Variants in POTEH observed in about 807,000 individuals in gnomAD.
POTEH encodes the protein POTE ankyrin domain family member H, also known as ANKRD26-like family C member 3.
POTEH carries 6 observed loss-of-function variants against 41.7 expected under a neutral mutation model. The ratio of observed to expected loss-of-function variants is 0.14; its 90% CI spans 0.08 to 0.28. POTEH has a LOEUF of 0.28. Ranked by LOEUF, POTEH falls within the 10% of genes least tolerant of loss-of-function variation. The probability of loss-of-function intolerance (pLI) is 1.00; values close to 1 mark genes in which losing one functional copy is unlikely to be tolerated. For missense variants in POTEH, 115 were observed against 533.5 expected, an observed-to-expected ratio of 0.22 and a Z score of 7.73; for synonymous variants, 38 against 179.9, an observed-to-expected ratio of 0.21 and a Z score of 6.31.
chr22:15,713,408 A>G (rs1398039151), intron 9 of POTEH, among the ~76,000 whole-genome samples: 46 of 152,328 alleles, frequency 3.0e-4, no homozygotes, highest in African/African-American at 1.1e-3. Context: ...TTTCTAGTCC[A>G]TTCATCACGG....
Position 15,696,858 on chromosome 22 carries a change from G to C in POTEH, c.921+1040G>C, listed in dbSNP as rs1173427778. ...AATCTTCAAATAAGAAAGGGAATTG[G>C]TTATCTGGGTGGTGAGAAATGAGAC... On this transcript the variant is annotated intron_variant, in intron 3 of 10. Coordinates refer to ENST00000343518, the MANE Select transcript of POTEH (RefSeq NM_001136213.1). Among the ~76,000 whole-genome samples the C allele has an allele frequency of 2.8e-5, 4 of 144,814 alleles. 1 individual carries two copies. Among genetic ancestry groups the C allele is most frequent in the South Asian group, 2.5e-4 (1 of 3,956 alleles).
intron 1 of POTEH, 72 bp downstream of exon 1, chr22:15,690,781 G>T (rs1989287069): frequency 7.2e-7 from 1 of 1,388,862 alleles, no homozygotes; most frequent in East Asian, 2.3e-5. Context: ...GGCCGGGGAG[G>T]AGGGGAGCCT....
chr22:15,690,613 A>G lies in POTEH; in HGVS notation c.536A>G (p.Lys179Arg), dbSNP rs757577993. The G allele has an allele frequency of 7.0e-7, 1 of 1,424,528 alleles. No homozygotes were observed. Among genetic ancestry groups the G allele is most frequent in the Non-Finnish European group, 9.7e-7 (1 of 1,026,946 alleles). The allele number at this position is 1,424,528 out of a possible 1,614,324, so 88.2% of individuals were successfully genotyped here. Residue 179 changes from lysine to arginine, a missense_variant, in exon 1 of 11, where the codon AAG (lysine) becomes AGG (arginine). Coordinates refer to ENST00000343518, the MANE Select transcript of POTEH (RefSeq NM_001136213.1). ...CACGTCCGTCGAGAAGATCTGGACA[A>G]GCTCCACAGAGCTGCCTGGTGGGGT... ...RYHVRREDLD[K>R]LHRAAWWGKV...
At chr22:15,691,710 AT>A (rs1251927905) in intron 1 of POTEH, among the ~76,000 whole-genome samples, 1 of 145,970 alleles carries the variant, frequency 6.9e-6, no homozygotes, top group Admixed American at 7.1e-5. Flanking sequence ...CATGTTATTT[AT>A]TTCCACAAAT....
chr22:15,699,140 C>T (rs1400536050), intron 4 of POTEH, among the ~76,000 whole-genome samples: 9 of 144,212 alleles, frequency 6.2e-5, no homozygotes, highest in Admixed American at 1.4e-4. Context: ...CCACTAAATA[C>T]GCTGTATTAA....
chr22:15,708,647 A>G (rs1989734629), intron 7 of POTEH, among the ~76,000 whole-genome samples: 1 of 145,064 alleles, frequency 6.9e-6, no homozygotes, highest in Non-Finnish European at 1.5e-5. Context: ...AACATAACCC[A>G]CTATGAAATT....
In POTEH at chr22:15,690,928, T is replaced by A. The variant is rs1268023846; in HGVS notation, c.632+219T>A. Among the ~76,000 whole-genome samples the A allele has an allele frequency of 2.3e-5, 3 of 130,004 alleles. 1 individual carries two copies. Among genetic ancestry groups the A allele is most frequent in the Non-Finnish European group, 5.3e-5 (3 of 56,852 alleles). 85.3% of individuals were successfully genotyped at this position (130,004 alleles called of 152,430 possible). On this transcript the variant is annotated intron_variant, in intron 1 of 10. Coordinates refer to ENST00000343518, the MANE Select transcript of POTEH (RefSeq NM_001136213.1). ...TCCAATCAAATCATAATTTCCTTCC[T>A]AGAACACGAATAGACTGTTTTGAAG...
intron 3 of POTEH, chr22:15,697,231 A>AC (rs1989450061): frequency 6.3e-6 from 1 of 159,828 alleles, no homozygotes. Flanking sequence ...CTTAAGAACC[A>AC]CTGAATACAT....
intron 9 of POTEH, among the ~76,000 whole-genome samples, chr22:15,713,588 C>T (rs377238514): frequency 0.083 from 10,243 of 123,466 alleles, no homozygotes; most frequent in South Asian, 0.19. Context: ...CAACCTCTGC[C>T]TCCTGGCTTC....
intron 1 of POTEH, among the ~76,000 whole-genome samples, chr22:15,691,981 G>GATAT (rs1403078945): frequency 5.7e-5 from 7 of 123,020 alleles, no homozygotes; most frequent in South Asian, 2.8e-4. Context: ...TACATATGCA[G>GATAT]ATACATATAT....
chr22:15,690,218 A>G lies in POTEH; in HGVS notation c.141A>G (p.Gly47=). 7.3e-7 allele frequency: 1 copy of G among 1,371,766 alleles called. No homozygotes were observed. The highest frequency in any genetic ancestry group is 2.0e-5 in the Admixed American group (1 of 49,514). The allele number at this position is 1,371,766 out of a possible 1,614,324, so 85.0% of individuals were successfully genotyped here. The change falls in exon 1 of 11, where the codon GGA becomes GGG. Residue 47 remains glycine, a synonymous_variant. Transcript: ENST00000343518. ...GSGKSNVGTS[G]DHDDSAMKTL... is the part of the protein sequence containing the mutation. ...GCAAGAGCAACGTGGGCACTTCTGG[A>G]GACCACGACGATTCTGCTATGAAGA...
intron 1 of POTEH, 127 bp downstream of exon 1, chr22:15,690,836 A>T: frequency 2.4e-6 from 3 of 1,243,154 alleles, no homozygotes; most frequent in Non-Finnish European, 3.4e-6. Context: ...GGATGTGGAA[A>T]CCTCAGAGAG....
In POTEH at chr22:15,690,394, T is replaced by G; in HGVS notation, c.317T>G (p.Phe106Cys). 1.4e-6 allele frequency: 2 copies of G among 1,381,666 alleles called. No homozygotes were observed. The highest frequency in any genetic ancestry group is 1.3e-5 in the South Asian group (1 of 79,974). 85.6% of individuals were successfully genotyped at this position (1,381,666 alleles called of 1,614,324 possible). ...SKMGKWCCHC[F>C]PCCRGSGKSN... ...ATGGGCAAGTGGTGCTGCCACTGCT[T>G]CCCCTGCTGCAGGGGGAGCGGCAAG... The change falls in exon 1 of 11, where the codon TTC (phenylalanine) becomes TGC (cysteine). Residue 106 changes from phenylalanine (F) to cysteine (C), a missense_variant. Transcript: ENST00000343518.
chr22:15,690,899 G>A lies in POTEH; in HGVS notation c.632+190G>A, dbSNP rs1989289952. ...GCAACACAAAAACAAAACTTTAGCT[G>A]ATTTCCAATCAAATCATAATTTCCT... On this transcript the variant is annotated intron_variant, in intron 1 of 10. Coordinates refer to ENST00000343518, the MANE Select transcript of POTEH (RefSeq NM_001136213.1). Among the ~76,000 whole-genome samples, 3 of 130,124 alleles carry A rather than the reference G, an allele frequency of 2.3e-5. 1 individual carries two copies. Among genetic ancestry groups the A allele is most frequent in the Middle Eastern group, 3.4e-3 (1 of 292 alleles). The allele number at this position is 130,124 out of a possible 152,430, so 85.4% of individuals were successfully genotyped here.
At chr22:15,691,165 TA>T (rs1569283336) in intron 1 of POTEH, among the ~76,000 whole-genome samples, 1 of 138,198 alleles carries the variant, frequency 7.2e-6, no homozygotes, top group Non-Finnish European at 1.6e-5. Context: ...TGAGTAATCT[TA>T]GAAGGAAACT....
At chr22:15,703,790 A>G (rs1989611889) in intron 6 of POTEH, among the ~76,000 whole-genome samples, 1 of 149,138 alleles carries the variant, frequency 6.7e-6, no homozygotes, top group Non-Finnish European at 1.5e-5. Context: ...AGGAGACAAA[A>G]ATGGAATAGA....
chr22:15,690,134 T>C lies in POTEH; in HGVS notation c.57T>C (p.Gly19=), dbSNP rs746396620. The change falls in exon 1 of 11, where the codon GGT becomes GGC. Residue 19 remains glycine, a synonymous_variant. Transcript: ENST00000343518. ...PAASSVKKPF[G]LRSKMGKWCR... ...CCTCCTCTGTGAAGAAGCCATTTGG[T>C]CTCAGAAGCAAGATGGGCAAGTGGT... The C allele has an allele frequency of 1.6e-5, 23 of 1,407,022 alleles. 3 individuals carry two copies. The East Asian group carries it at 4.1e-4, about 25-fold the overall frequency. The allele number at this position is 1,407,022 out of a possible 1,614,324, so 87.2% of individuals were successfully genotyped here.
At position 15,691,489 on chromosome 22, in the gene POTEH, G is replaced by A. The variant is rs1318287794; in HGVS notation, c.632+780G>A. On this transcript the variant is annotated intron_variant, in intron 1 of 10. Transcript: ENST00000343518. Reference sequence around the variant, plus strand: ...TGCAGTGAGCCGAGATCACGCCACTGTAGTAGAGCCTGGGAGACAGAGCAA... The same window carrying A: ...TGCAGTGAGCCGAGATCACGCCACTATAGTAGAGCCTGGGAGACAGAGCAA... 1.8e-5 allele frequency among the ~76,000 whole-genome samples: 2 copies of A among 113,508 alleles called. 1 individual carries two copies. The highest frequency in any genetic ancestry group is 3.8e-5 in the Non-Finnish European group (2 of 52,582). 74.5% of individuals were successfully genotyped at this position (113,508 alleles called of 152,430 possible).
At chr22:15,710,669 T>A (rs1378785759) in intron 8 of POTEH, among the ~76,000 whole-genome samples, 199 bp from the exon 9 acceptor site, 11 of 152,036 alleles carry the variant, frequency 7.2e-5, no homozygotes, top group African/African-American at 2.7e-4. Context: ...TTTACAAAAA[T>A]TTCTGTGATA....
Sources: gnomAD v4.1 joint callset for allele counts (sites outside exome capture counted in the v4.1 genomes callset) on GRCh38, gnomAD v4.1.1 for gene constraint, MANE v1.5 for transcripts, NCBI Gene and HGNC (gene_info 2026-07-23, HGNC 2026-07-21) for gene names.